Variants in SMPD4 observed in about 807,000 individuals in gnomAD.
The protein encoded by SMPD4 is neutral sphingomyelinase 3.
In SMPD4, 58 loss-of-function variants were observed where a neutral mutation model predicts 97.8. The observed-to-expected ratio is 0.59, with a 90% CI of 0.48 to 0.74. The LOEUF (loss-of-function observed/expected upper bound fraction) is 0.74. Among genes scored for constraint, SMPD4 ranks in the 30% least tolerant of loss-of-function variants. SMPD4 has a pLI of 0.00. For synonymous variants in SMPD4, 388 were observed against 450.0 expected, an observed-to-expected ratio of 0.86 and a Z score of 1.74; for missense variants, 853 against 1,080.5, an observed-to-expected ratio of 0.79 and a Z score of 2.95.
intron 2 of SMPD4, among the ~76,000 whole-genome samples, chr2:130,176,116 C>T (rs1688956079): frequency 6.6e-6 from 1 of 152,202 alleles, no homozygotes; most frequent in South Asian, 2.1e-4. Flanking sequence ...AGCCACTGCA[C>T]CCAGTTCTCA....
intron 1 of SMPD4, among the ~76,000 whole-genome samples, chr2:130,179,314 G>C (rs1689270814): frequency 6.6e-6 from 1 of 151,488 alleles, no homozygotes; most frequent in Non-Finnish European, 1.5e-5. Flanking sequence ...GTAGAGACGG[G>C]GTTTCACTGT....
chr2:130,164,244 A>G, intron 10 of SMPD4, 130 bp downstream of exon 10: 1 of 779,948 alleles, frequency 1.3e-6, no homozygotes, highest in Non-Finnish European at 2.2e-6. Context: ...TTGGCTTCTG[A>G]GTGACAGGTG....
At chr2:130,157,178 T>A (rs1324487644) in intron 12 of SMPD4, 73 bp downstream of exon 12, 4 of 1,532,990 alleles carry the variant, frequency 2.6e-6, no homozygotes, top group Admixed American at 2.0e-5. Flanking sequence ...TGGGGAGAGG[T>A]CGCTGTGGGC....
chr2:130,165,292 A>G (rs1412839949), intron 9 of SMPD4, among the ~76,000 whole-genome samples: 1 of 151,916 alleles, frequency 6.6e-6, no homozygotes, highest in Non-Finnish European at 1.5e-5. Flanking sequence ...GTGGTGGCGC[A>G]TGCCTGTAAT....
At chr2:130,181,731 G>C, upstream of SMPD4, 1 of 1,548,836 alleles carries the variant, frequency 6.5e-7, no homozygotes, top group South Asian at 1.2e-5. Flanking sequence ...GGCGAGGCAG[G>C]AGTGCGGGGG....
intron 1 of SMPD4, 30 bp downstream of exon 1, chr2:130,181,500 C>T (rs1372925588): frequency 5.0e-6 from 8 of 1,585,566 alleles, no homozygotes; most frequent in Non-Finnish European, 6.0e-6. Context: ...GGCGCCGGAC[C>T]GTCTCAGGCG....
At chr2:130,165,935 G>A (rs1687886272) in intron 9 of SMPD4, among the ~76,000 whole-genome samples, 1 of 152,066 alleles carries the variant, frequency 6.6e-6, no homozygotes, top group Admixed American at 6.5e-5. Context: ...CAACATGACT[G>A]TATTCAACAC....
At chr2:130,166,436 C>G (rs1372425447) in intron 9 of SMPD4, among the ~76,000 whole-genome samples, 3 of 151,992 alleles carry the variant, frequency 2.0e-5, no homozygotes, top group Admixed American at 2.0e-4. Context: ...ACGGTCCACA[C>G]AGCCAAGAGC....
chr2:130,156,608 G>A lies in SMPD4; in HGVS notation c.1165C>T (p.Pro389Ser), dbSNP rs141433104. ...LFLQHCFGHW[P>S]LDASFRAVLE... ...ACAGCTCTGAACGATGCGTCCAGGGGCCAGTGGCCAAAGCAATGCTGCAAG... is the reference window on the plus strand; with the variant it reads ...ACAGCTCTGAACGATGCGTCCAGGGACCAGTGGCCAAAGCAATGCTGCAAG... The change falls in exon 13 of 20, where the codon CCC becomes TCC. Residue 389 changes from proline to serine, a missense_variant. Pro to Ser is a moderately conservative substitution (Grantham distance 74). Coordinates refer to ENST00000680298, the MANE Select transcript of SMPD4 (RefSeq NM_017951.5). 33 of 1,613,796 alleles carry A rather than the reference G, an allele frequency of 2.0e-5. No individual in the cohort carries two copies. The South Asian group carries it at 3.1e-4, about 15-fold the overall frequency.
chr2:130,167,222 G>C (rs1315478868), intron 9 of SMPD4, among the ~76,000 whole-genome samples: 2 of 152,012 alleles, frequency 1.3e-5, no homozygotes, highest in Non-Finnish European at 2.9e-5. Context: ...CTGGGTTCAA[G>C]CGATTCTCCC....
chr2:130,166,595 A>G (rs1157443348), intron 9 of SMPD4, among the ~76,000 whole-genome samples: 1 of 152,190 alleles, frequency 6.6e-6, no homozygotes, highest in East Asian at 1.9e-4. Flanking sequence ...ATAGAATCCT[A>G]TCTTATCTAC....
rs1235719514 is a variant in SMPD4 at position 130,172,912 on chromosome 2, T to C, written c.346-17A>G. Reference sequence around the variant, plus strand: ...CACAGGACCCTGCAGAGAGAGGCAGTGAGGCTTGTGGGCAGGTGCTGGTGC... The same window carrying C: ...CACAGGACCCTGCAGAGAGAGGCAGCGAGGCTTGTGGGCAGGTGCTGGTGC... On this transcript the variant is annotated splice_polypyrimidine_tract_variant and intron_variant, in intron 5 of 19. Transcript: ENST00000680298. 1 of 1,602,270 alleles carries C rather than the reference T, an allele frequency of 6.2e-7. No homozygotes were observed. Among genetic ancestry groups the C allele is most frequent in the South Asian group, 1.1e-5 (1 of 89,914 alleles).
Position 130,154,348 on chromosome 2 carries a change from T to G in SMPD4, c.1588A>C (p.Ser530Arg). 1 of 1,612,100 alleles carries G rather than the reference T, an allele frequency of 6.2e-7. No homozygotes were observed. Among genetic ancestry groups the G allele is most frequent in the South Asian group, 1.1e-5 (1 of 90,936 alleles). ...TGGCCCTCCAGGCTGTAGACGTGGC[T>G]CTTCACCTTGAAGGAGGCATCAGTG... ...AVTDASFKVK[S>R]HVYSLEGQDC... Residue 530 changes from serine (S) to arginine (R), a missense_variant, in exon 16 of 20, where the codon AGC becomes CGC. Around this residue, in one of 3 missense-constraint regions of SMPD4, gnomAD observed 511 missense variants for 608.1 expected, o/e 0.84. Transcript: ENST00000680298.
intron 1 of SMPD4, chr2:130,181,191 G>A: frequency 9.8e-7 from 1 of 1,025,326 alleles, no homozygotes; most frequent in East Asian, 5.3e-5. Flanking sequence ...ACCCACACCC[G>A]GCTCTTACAC....
intron 11 of SMPD4, among the ~76,000 whole-genome samples, chr2:130,158,421 A>G (rs1052361992): frequency 1.3e-5 from 2 of 151,858 alleles, no homozygotes; most frequent in African/African-American, 4.8e-5. Flanking sequence ...GGTTCAAGCA[A>G]TTCTCCTGAC....
In SMPD4 at chr2:130,154,422, G is replaced by A. The variant is rs764116547; in HGVS notation, c.1514C>T (p.Thr505Met). 6.7e-5 allele frequency: 106 copies of A among 1,584,892 alleles called. No individual in the cohort carries two copies. The highest frequency in any genetic ancestry group is 2.9e-4 in the South Asian group (25 of 87,544). Residue 505 changes from threonine to methionine, a missense_variant, in exon 16 of 20, where the codon ACG (threonine) becomes ATG (methionine). Thr to Met is a moderately conservative substitution (Grantham distance 81). Around this residue, in one of 3 missense-constraint regions of SMPD4, gnomAD observed 511 missense variants for 608.1 expected, o/e 0.84. Coordinates refer to ENST00000680298, the MANE Select transcript of SMPD4 (RefSeq NM_017951.5). ...VIPHRQHRLF[T>M]APTFTGSFLS... ...GAAGCTCCCAGTGAATGTGGGGGCC[G>A]TGAAGAGTCGGTGCTGGCGGTGGGG...
Position 130,154,299 on chromosome 2 carries a change from A to G in SMPD4, c.1637T>C (p.Phe546Ser). Reference sequence around the variant, plus strand: ...CACCAGGGTGCGGGCCTCGGGCCCAAACATCGGGGTGTACTTGCAGTCCTG... The same window carrying G: ...CACCAGGGTGCGGGCCTCGGGCCCAGACATCGGGGTGTACTTGCAGTCCTG... ...EGQDCKYTPM[F>S]GPEARTLVLR... Residue 546 changes from phenylalanine (F) to serine (S), a missense_variant, in exon 16 of 20, where the codon TTT becomes TCT. Physicochemically the swap from Phe to Ser is radical, Grantham distance 155. Transcript: ENST00000680298. 1 of 1,607,960 alleles carries G rather than the reference A, an allele frequency of 6.2e-7. No individual in the cohort carries two copies. Among genetic ancestry groups the G allele is most frequent in the Non-Finnish European group, 8.5e-7 (1 of 1,176,748 alleles).
chr2:130,161,362 C>T (rs1188837732), intron 10 of SMPD4, 90 bp from the exon 11 acceptor site: 24 of 984,202 alleles, frequency 2.4e-5, no homozygotes, highest in Non-Finnish European at 3.1e-5. Flanking sequence ...GGACCAGACA[C>T]GGGAGGGGGA....
chr2:130,152,611 G>A lies in SMPD4; in HGVS notation c.2428C>T (p.Leu810Phe), dbSNP rs1686336771. The A allele has an allele frequency of 6.4e-7, 1 of 1,553,050 alleles. No individual in the cohort carries two copies. The highest frequency in any genetic ancestry group is 2.4e-5 in the East Asian group (1 of 41,202). The change falls in exon 20 of 20, where the codon CTC (leucine) becomes TTC (phenylalanine). Residue 810 changes from leucine to phenylalanine, a missense_variant. Around this residue, in one of 3 missense-constraint regions of SMPD4, gnomAD observed 511 missense variants for 608.1 expected, o/e 0.84. Transcript: ENST00000680298. ...CTLLLTLGYV[L>F]YASAMTLLTE... is the part of the protein sequence containing the mutation. ...AGCAGTGTCATGGCAGAGGCGTAGA[G>A]GACATAGCCCAGGGTGAGCAGCAGC...
Sources: allele counts gnomAD v4.1 joint callset (sites outside exome capture counted in the v4.1 genomes callset), GRCh38; gene constraint gnomAD v4.1.1; regional missense constraint gnomAD v4.1.1; transcripts MANE v1.5; gene names NCBI Gene and HGNC (gene_info 2026-07-23, HGNC 2026-07-21).